The following CNTNAP5 variants were observed in gnomAD, a reference collection of about 807,000 sequenced individuals.
CNTNAP5 encodes contactin associated protein family member 5, also known as contactin-associated protein-like 5.
In CNTNAP5, 72 loss-of-function variants were observed where a neutral mutation model predicts 150.2. The ratio of observed to expected loss-of-function variants is 0.48; its 90% CI spans 0.40 to 0.58. CNTNAP5 has a LOEUF of 0.58. CNTNAP5 is among the 20% of genes least tolerant of loss of function. The probability of loss-of-function intolerance (pLI) is 0.00; values close to 1 mark genes in which losing one functional copy is unlikely to be tolerated. For missense variants in CNTNAP5, 1,636 were observed against 1,626.2 expected (o/e 1.01, Z -0.10); for synonymous variants, 672 against 619.8 (o/e 1.08, Z -1.25).
At position 124,357,521 on chromosome 2, in the gene CNTNAP5, A is replaced by G. The variant is rs370903065; in HGVS notation, c.382-59922A>G. 4.6e-5 allele frequency among the ~76,000 whole-genome samples: 7 copies of G among 152,146 alleles called. No homozygotes were observed. In the East Asian group the frequency reaches 9.7e-4, roughly 21 times the overall value. Reference sequence around the variant, plus strand: ...AAGGGATCCAGTTTCAGCTTTCTACATATGGCTAGCCAGTTTTCCCAGCAC... The same window carrying G: ...AAGGGATCCAGTTTCAGCTTTCTACGTATGGCTAGCCAGTTTTCCCAGCAC... On this transcript the variant is annotated intron_variant, in intron 3 of 23. Transcript: ENST00000682447.
chr2:124,344,465 G>T (rs967530778), intron 3 of CNTNAP5, among the ~76,000 whole-genome samples: 3 of 152,088 alleles, frequency 2.0e-5, no homozygotes, highest in African/African-American at 7.2e-5. Flanking sequence ...GGAATGATAG[G>T]CCCCATGTAA....
intron 7 of CNTNAP5, among the ~76,000 whole-genome samples, chr2:124,479,265 G>A (rs1195972357): frequency 6.6e-6 from 1 of 152,084 alleles, no homozygotes; most frequent in African/African-American, 2.4e-5. Context: ...ATATTGCTCT[G>A]ATAGTTTCCT....
At chr2:124,180,239 G>C (rs1201114532) in intron 1 of CNTNAP5, among the ~76,000 whole-genome samples, 1 of 152,140 alleles carries the variant, frequency 6.6e-6, no homozygotes, top group Admixed American at 6.5e-5. Context: ...CCTGTAAATA[G>C]TGAAGAAGCA....
intron 19 of CNTNAP5, among the ~76,000 whole-genome samples, chr2:124,800,272 A>G (rs1051891528): frequency 1.3e-5 from 2 of 152,224 alleles, no homozygotes; most frequent in Non-Finnish European, 2.9e-5. Flanking sequence ...GTATAGTTCC[A>G]TAGGCACAAT....
intron 10 of CNTNAP5, among the ~76,000 whole-genome samples, chr2:124,553,394 C>T (rs1041493934): frequency 2.6e-5 from 4 of 151,836 alleles, no homozygotes; most frequent in Non-Finnish European, 4.4e-5. Flanking sequence ...ATCCCAGCTA[C>T]TTGGGAGGCT....
rs553997860 is a variant in CNTNAP5 at position 124,902,766 on chromosome 2, C to T, written c.3437-116C>T. ...GATAGATAGGGGAGGGTTTTCTTTA[C>T]TCAAACAATAACAAGGTAATTTCTG... On this transcript the variant is annotated intron_variant, in intron 21 of 23. Coordinates refer to ENST00000682447, the MANE Select transcript of CNTNAP5 (RefSeq NM_001367498.1). The T allele has an allele frequency of 4.5e-5, 30 of 660,606 alleles. No homozygotes were observed. The African/African-American group carries it at 5.1e-4, about 11-fold the overall frequency. The allele number at this position is 660,606 out of a possible 1,614,324, so 40.9% of individuals were successfully genotyped here.
At chr2:124,677,807 C>A (rs1258397530) in intron 13 of CNTNAP5, among the ~76,000 whole-genome samples, 1 of 151,830 alleles carries the variant, frequency 6.6e-6, no homozygotes, top group Non-Finnish European at 1.5e-5. Context: ...TCTAGCTAGA[C>A]AGAAAAGTTC....
chr2:124,635,322 G>T (rs896439550), intron 12 of CNTNAP5, among the ~76,000 whole-genome samples: 3 of 152,110 alleles, frequency 2.0e-5, no homozygotes, highest in South Asian at 2.1e-4. Flanking sequence ...GTATTCGGGA[G>T]GATAGTGCTA....
At chr2:124,133,935 G>A (rs1384864958) in intron 1 of CNTNAP5, among the ~76,000 whole-genome samples, 1 of 152,184 alleles carries the variant, frequency 6.6e-6, no homozygotes, top group African/African-American at 2.4e-5. Context: ...ATCTGTTAAA[G>A]GGCAGTGTGT....
chr2:124,107,044 G>T (rs1041609287), intron 1 of CNTNAP5, among the ~76,000 whole-genome samples: 2 of 151,560 alleles, frequency 1.3e-5, no homozygotes, highest in Non-Finnish European at 2.9e-5. Context: ...GGACAAGTGG[G>T]AGCTTTCAGG....
At chr2:124,377,128 C>T (rs1351362982) in intron 3 of CNTNAP5, among the ~76,000 whole-genome samples, 3 of 152,058 alleles carry the variant, frequency 2.0e-5, no homozygotes, top group Non-Finnish European at 4.4e-5. Context: ...CACGTAGTTA[C>T]CACTAAGGTT....
chr2:124,197,422 GTTTAT>G (rs1330268036), intron 1 of CNTNAP5, among the ~76,000 whole-genome samples: 2 of 152,150 alleles, frequency 1.3e-5, no homozygotes, highest in South Asian at 2.1e-4. Flanking sequence ...TATAGCTATA[GTTTAT>G]TTTAAGTGCT....
At chr2:124,252,944 ATTAT>A (rs1354311777) in intron 3 of CNTNAP5, among the ~76,000 whole-genome samples, 1 of 152,038 alleles carries the variant, frequency 6.6e-6, no homozygotes, top group Non-Finnish European at 1.5e-5. Context: ...AGGCGATCTT[ATTAT>A]TTAAGACAAA....
rs758952980 is a variant in CNTNAP5, at chr2:124,747,436, A to T, written c.2234+51A>T. On this transcript the variant is annotated intron_variant, in intron 14 of 23. Coordinates refer to ENST00000682447, the MANE Select transcript of CNTNAP5 (RefSeq NM_001367498.1). ...AATTGTAGAGAAAGCACATTAATTGATGCATAAAATTCCCCAAGACAGAAG... is the reference window on the plus strand; with the variant it reads ...AATTGTAGAGAAAGCACATTAATTGTTGCATAAAATTCCCCAAGACAGAAG... 6.8e-5 allele frequency: 109 copies of T among 1,595,036 alleles called. No homozygotes were observed. The Admixed American group carries it at 7.7e-4, about 11-fold the overall frequency.
At chr2:124,261,127 T>C (rs946884758) in intron 3 of CNTNAP5, among the ~76,000 whole-genome samples, 8 of 152,176 alleles carry the variant, frequency 5.3e-5, no homozygotes, top group African/African-American at 1.2e-4. Context: ...TGAAAAGCGA[T>C]ACATATCAAT....
At chr2:124,443,825 T>C (rs1206784442) in intron 5 of CNTNAP5, among the ~76,000 whole-genome samples, 2 of 151,202 alleles carry the variant, frequency 1.3e-5, no homozygotes, top group Non-Finnish European at 3.0e-5. Flanking sequence ...TGTGTGTGTG[T>C]GTGTGTGTGT....
intron 23 of CNTNAP5, among the ~76,000 whole-genome samples, chr2:124,912,354 G>T (rs1427194183): frequency 6.6e-6 from 1 of 152,046 alleles, no homozygotes; most frequent in Non-Finnish European, 1.5e-5. Context: ...TCTCCATTTA[G>T]CTTATATTTA....
intron 4 of CNTNAP5, 146 bp from the exon 5 acceptor site, chr2:124,434,338 C>T (rs1266736476): frequency 3.1e-6 from 2 of 649,174 alleles, no homozygotes; most frequent in African/African-American, 1.8e-5. Flanking sequence ...TAGGGTGGTT[C>T]TAGTCTACAT....
chr2:124,263,025 A>G (rs1249171217), intron 3 of CNTNAP5, among the ~76,000 whole-genome samples: 1 of 152,134 alleles, frequency 6.6e-6, no homozygotes. Flanking sequence ...TATATGTGCC[A>G]CATTTTCTTA....
Sources: allele counts gnomAD v4.1 joint callset (sites outside exome capture counted in the v4.1 genomes callset), GRCh38; gene constraint gnomAD v4.1.1; transcripts MANE v1.5; gene names NCBI Gene and HGNC (gene_info 2026-07-23, HGNC 2026-07-21).